The following RBFOX1 variants were observed in gnomAD, a reference collection of about 807,000 sequenced individuals.
RBFOX1 encodes RNA binding protein fox-1 homolog 1.
A neutral mutation model predicts 57.7 loss-of-function variants in RBFOX1; 8 were observed. The ratio of observed to expected loss-of-function variants is 0.14; its 90% CI spans 0.08 to 0.25. The LOEUF (loss-of-function observed/expected upper bound fraction) is 0.25. RBFOX1 is among the 10% of genes least tolerant of loss of function. RBFOX1 has a pLI of 1.00. For missense variants in RBFOX1, 611 were observed against 548.5 expected (o/e 1.11, Z -1.14); for synonymous variants, 326 against 222.4 (o/e 1.47, Z -4.15).
intron 1 of RBFOX1, among the ~76,000 whole-genome samples, chr16:6,029,772 CAAA>C (rs57851398): frequency 4.9e-5 from 5 of 102,342 alleles, no homozygotes; most frequent in African/African-American, 4.0e-5. Context: ...GACTCCGTCT[CAAA>C]AAAAAAAAAA....
At chr16:5,913,329 A>G (rs985475040) in intron 4 of RBFOX1, among the ~76,000 whole-genome samples, 1 of 152,346 alleles carries the variant, frequency 6.6e-6, no homozygotes. Flanking sequence ...CATCCCCTCC[A>G]AATCTCATTC....
chr16:5,683,913 A>T (rs1031325791), intron 3 of RBFOX1, among the ~76,000 whole-genome samples: 2 of 151,906 alleles, frequency 1.3e-5, no homozygotes, highest in Non-Finnish European at 2.9e-5. Context: ...CCGTCAGCCC[A>T]ATATGAGCTT....
At chr16:5,571,462 G>A (rs1443254751) in intron 2 of RBFOX1, among the ~76,000 whole-genome samples, 2 of 151,908 alleles carry the variant, frequency 1.3e-5, no homozygotes, top group South Asian at 2.1e-4. Context: ...TGATCTGCCC[G>A]CCTGGACCTC....
chr16:5,494,152 C>G (rs746165957), intron 2 of RBFOX1, among the ~76,000 whole-genome samples: 7 of 152,130 alleles, frequency 4.6e-5, no homozygotes, highest in Non-Finnish European at 7.4e-5. Context: ...TGTCAGAGCT[C>G]CAGAAGGAAA....
In RBFOX1 at chr16:7,330,518, G is replaced by GTGTGTT. The variant is rs1555721933; in HGVS notation, c.28-187624_28-187623insTTGTGT. Among the ~76,000 whole-genome samples, 710 of 133,354 alleles carry GTGTGTT rather than the reference G, an allele frequency of 5.3e-3. 5 individuals carry two copies. The highest frequency in any genetic ancestry group is 0.015 in the African/African-American group (487 of 33,108). The allele number at this position is 133,354 out of a possible 152,430, so 87.5% of individuals were successfully genotyped here. A position where few individuals can be genotyped will look rare whatever the true frequency, so the allele number is the denominator to read the frequency against. On this transcript the variant is annotated intron_variant, in intron 4 of 15. Transcript: ENST00000550418. ...TGTGTGTGTGTGTGTGTTTGTGTGTGTGTGTGTAGAGAGAGAGAGAGAGAG... is the reference window on the plus strand; with the variant it reads ...TGTGTGTGTGTGTGTGTTTGTGTGTGTGTGTTTGTGTGTAGAGAGAGAGAGAGAGAG...
chr16:6,274,405 C>T (rs1288530369), intron 1 of RBFOX1, among the ~76,000 whole-genome samples: 4 of 152,066 alleles, frequency 2.6e-5, no homozygotes, highest in African/African-American at 4.8e-5. Context: ...CATGCAACAG[C>T]CCAACAGCCT....
chr16:6,556,738 A>G (rs1355368122), intron 2 of RBFOX1, among the ~76,000 whole-genome samples: 2 of 152,150 alleles, frequency 1.3e-5, no homozygotes, highest in African/African-American at 2.4e-5. Context: ...TTTGCATTTA[A>G]AAGAAAAAGT....
intron 3 of RBFOX1, among the ~76,000 whole-genome samples, chr16:5,683,159 G>T (rs564075612): frequency 4.6e-5 from 7 of 151,896 alleles, no homozygotes; most frequent in South Asian, 2.1e-4. Context: ...AGGTGGAGGT[G>T]GGGGGTGGGG....
chr16:6,576,657 G>C (rs1482036052), intron 2 of RBFOX1, among the ~76,000 whole-genome samples: 1 of 110,362 alleles, frequency 9.1e-6, no homozygotes, highest in Non-Finnish European at 2.0e-5. Flanking sequence ...TTGTTGGCAG[G>C]GTGAGGGAGG....
rs568804279 is a variant in RBFOX1, at chr16:6,706,426, A to G, written c.-16+51776A>G. Among the ~76,000 whole-genome samples the G allele has an allele frequency of 1.4e-4, 21 of 152,360 alleles. No homozygotes were observed. The South Asian group carries it at 4.3e-3, about 32-fold the overall frequency. On this transcript the variant is annotated intron_variant, in intron 3 of 15. Transcript: ENST00000550418. Reference sequence around the variant, plus strand: ...AATCAAGGCTTAATTTGGCATGATAATTAGTAGCCTCCCCTTCCAGCTTTG... The same window carrying G: ...AATCAAGGCTTAATTTGGCATGATAGTTAGTAGCCTCCCCTTCCAGCTTTG...
At chr16:6,173,604 CTTTTTTTTTTTT>C (rs35528338) in intron 1 of RBFOX1, among the ~76,000 whole-genome samples, 1 of 70,948 alleles carries the variant, frequency 1.4e-5, no homozygotes, top group African/African-American at 5.9e-5. Context: ...TGACCACTCC[CTTTTTTTTTTTT>C]TTTTTTTTTT....
rs527238667 is a variant in RBFOX1, at chr16:6,390,461, C to T, written c.-64+73404C>T. Among the ~76,000 whole-genome samples the T allele has an allele frequency of 1.2e-4, 18 of 151,674 alleles. 1 individual carries two copies. The East Asian group carries it at 3.3e-3, about 28-fold the overall frequency. On this transcript the variant is annotated intron_variant, in intron 2 of 15. Transcript: ENST00000550418. ...AATGTTTTGGATGACTTCAGTGTGC[C>T]GGGCACTGTGTTTGTTTCTGGGAAT...
chr16:5,697,385 T>C (rs969443050), intron 3 of RBFOX1, among the ~76,000 whole-genome samples: 2 of 151,152 alleles, frequency 1.3e-5, no homozygotes, highest in African/African-American at 4.8e-5. Context: ...GTAGCATATA[T>C]GCTATCTATA....
At chr16:6,887,969 A>C (rs1158444260) in intron 3 of RBFOX1, among the ~76,000 whole-genome samples, 4 of 151,936 alleles carry the variant, frequency 2.6e-5, no homozygotes, top group African/African-American at 9.7e-5. Context: ...TCCCATCCTC[A>C]TCATTTTTAT....
At chr16:6,585,591 T>C (rs2097598167) in intron 2 of RBFOX1, among the ~76,000 whole-genome samples, 1 of 152,112 alleles carries the variant, frequency 6.6e-6, no homozygotes, top group African/African-American at 2.4e-5. Flanking sequence ...GGTAGGACTC[T>C]TCCAGTCTTG....
intron 3 of RBFOX1, among the ~76,000 whole-genome samples, chr16:6,969,698 A>C (rs9935308): frequency 0.73 from 111,616 of 151,968 alleles, 41,116 homozygotes; most frequent in Middle Eastern, 0.79. Context: ...GAGCTGAAAT[A>C]GTGCCACCTC....
intron 1 of RBFOX1, among the ~76,000 whole-genome samples, chr16:6,310,344 A>G (rs1003514503): frequency 2.0e-5 from 3 of 152,240 alleles, no homozygotes; most frequent in Non-Finnish European, 4.4e-5. Context: ...TTATGATACT[A>G]GGCTATGCTG....
intron 2 of RBFOX1, among the ~76,000 whole-genome samples, chr16:6,552,564 A>C (rs2097012644): frequency 6.6e-6 from 1 of 152,188 alleles, no homozygotes; most frequent in African/African-American, 2.4e-5. Context: ...GTGTGCATTG[A>C]TGGCAATGAT....
intron 4 of RBFOX1, among the ~76,000 whole-genome samples, chr16:5,913,847 C>G (rs1018408499): frequency 6.6e-6 from 1 of 152,188 alleles, no homozygotes; most frequent in Admixed American, 6.5e-5. Flanking sequence ...CTATCATGTA[C>G]CAGACACCAT....
Sources: gnomAD v4.1 joint callset for allele counts (sites outside exome capture counted in the v4.1 genomes callset) on GRCh38, gnomAD v4.1.1 for gene constraint, MANE v1.5 for transcripts, NCBI Gene and HGNC (gene_info 2026-07-23, HGNC 2026-07-21) for gene names.